SENP7: variants seen among roughly 807,000 people sequenced by gnomAD.
SENP7 encodes the protein SUMO specific peptidase 7.
Under a neutral mutation model 141.2 loss-of-function variants are expected in SENP7, and 64 were observed. That is an observed-to-expected ratio of 0.45 (90% CI 0.37 to 0.56). The LOEUF (loss-of-function observed/expected upper bound fraction) is 0.56. SENP7 is among the 20% of genes least tolerant of loss of function. SENP7 has a pLI of 0.00. For missense variants in SENP7, 1,025 were observed against 1,212.2 expected (o/e 0.85, Z 2.29); for synonymous variants, 382 against 426.4 (o/e 0.90, Z 1.28).
chr3:101,421,215 T>A (rs2107671842), intron 4 of SENP7, among the ~76,000 whole-genome samples: 1 of 152,168 alleles, frequency 6.6e-6, no homozygotes, highest in Admixed American at 6.5e-5. Context: ...CCCCAAAAAA[T>A]GTATGTATAT....
At chr3:101,386,645 A>G (rs1559753387) in intron 6 of SENP7, among the ~76,000 whole-genome samples, 1 of 152,170 alleles carries the variant, frequency 6.6e-6, no homozygotes, top group Non-Finnish European at 1.5e-5. Flanking sequence ...CCAGATCCCC[A>G]GCACTCTAGC....
intron 6 of SENP7, among the ~76,000 whole-genome samples, chr3:101,396,707 T>C (rs913099846): frequency 5.9e-5 from 9 of 152,218 alleles, no homozygotes; most frequent in African/African-American, 1.7e-4. Flanking sequence ...TTAGTATACA[T>C]TGAGCTAAGT....
At chr3:101,463,120 C>A (rs187974080) in intron 3 of SENP7, among the ~76,000 whole-genome samples, 2 of 151,186 alleles carry the variant, frequency 1.3e-5, no homozygotes, top group East Asian at 3.9e-4. Flanking sequence ...AATCCCAACA[C>A]TTTGGGAGGC....
chr3:101,411,927 C>A (rs1006852760), intron 5 of SENP7, among the ~76,000 whole-genome samples: 1 of 152,178 alleles, frequency 6.6e-6, no homozygotes, highest in South Asian at 2.1e-4. Flanking sequence ...AGTATACTGG[C>A]CTGAGAAGTA....
intron 5 of SENP7, among the ~76,000 whole-genome samples, chr3:101,410,723 C>T (rs1032924269): frequency 2.0e-5 from 3 of 151,736 alleles, no homozygotes; most frequent in Admixed American, 6.6e-5. Flanking sequence ...CACACACCTG[C>T]GATCCCAGCT....
chr3:101,370,633 T>C (rs2060153056), intron 7 of SENP7, among the ~76,000 whole-genome samples: 1 of 152,216 alleles, frequency 6.6e-6, no homozygotes, highest in South Asian at 2.1e-4. Context: ...TTTTCCATCT[T>C]TGCTAGGTTG....
chr3:101,381,765 T>G (rs1277971851), intron 6 of SENP7, among the ~76,000 whole-genome samples: 1 of 152,184 alleles, frequency 6.6e-6, no homozygotes, highest in Admixed American at 6.5e-5. Context: ...TATGCACTAT[T>G]TGTATCAGTG....
At chr3:101,361,889 T>C in intron 10 of SENP7, 28 bp from the exon 11 acceptor site, 1 of 1,572,754 alleles carries the variant, frequency 6.4e-7, no homozygotes, top group African/African-American at 1.4e-5. Context: ...ATAAAATGCA[T>C]ATAATTCTTA....
chr3:101,494,206 CTT>C (rs1246885494), intron 2 of SENP7, among the ~76,000 whole-genome samples: 4 of 152,200 alleles, frequency 2.6e-5, no homozygotes, highest in South Asian at 2.1e-4. Flanking sequence ...TAACTATTCT[CTT>C]GTCTGCTGTC....
At chr3:101,452,344 T>C (rs1256485437) in intron 4 of SENP7, among the ~76,000 whole-genome samples, 10 of 151,132 alleles carry the variant, frequency 6.6e-5, no homozygotes, top group South Asian at 2.1e-4. Context: ...TGACTTTCTT[T>C]ACAGAATTGG....
At chr3:101,460,363 A>G (rs1244523931) in intron 3 of SENP7, among the ~76,000 whole-genome samples, 1 of 152,252 alleles carries the variant, frequency 6.6e-6, no homozygotes, top group Non-Finnish European at 1.5e-5. Flanking sequence ...TTTATGGGAC[A>G]GAATTGAAAG....
intron 3 of SENP7, among the ~76,000 whole-genome samples, chr3:101,475,529 C>T (rs921425339): frequency 2.6e-5 from 4 of 152,072 alleles, no homozygotes; most frequent in African/African-American, 9.7e-5. Flanking sequence ...GGGAATAATA[C>T]ACACTGGAGC....
At chr3:101,457,853 T>G (rs1383297698) in intron 4 of SENP7, 3 of 542,098 alleles carry the variant, frequency 5.5e-6, no homozygotes, top group Non-Finnish European at 9.9e-6. Flanking sequence ...AGGGGAATGA[T>G]GTATGTTGTG....
At chr3:101,364,513 T>A (rs2059985533) in intron 10 of SENP7, among the ~76,000 whole-genome samples, 1 of 152,054 alleles carries the variant, frequency 6.6e-6, no homozygotes, top group Non-Finnish European at 1.5e-5. Flanking sequence ...AGACCAGACA[T>A]ATAAATACTA....
At chr3:101,475,880 A>G (rs1366289610) in intron 3 of SENP7, among the ~76,000 whole-genome samples, 1 of 152,194 alleles carries the variant, frequency 6.6e-6, no homozygotes, top group Non-Finnish European at 1.5e-5. Context: ...CTAAAGAGAG[A>G]GATAAATCCC....
At chr3:101,396,858 T>C (rs187310489) in intron 6 of SENP7, among the ~76,000 whole-genome samples, 5 of 152,312 alleles carry the variant, frequency 3.3e-5, no homozygotes, top group Admixed American at 3.3e-4. Flanking sequence ...TTGTGTGTTT[T>C]TTGAGATGAA....
chr3:101,467,079 T>C (rs1181938656), intron 3 of SENP7, among the ~76,000 whole-genome samples: 1 of 152,214 alleles, frequency 6.6e-6, no homozygotes, highest in Non-Finnish European at 1.5e-5. Flanking sequence ...CCTTGCTCAC[T>C]GCTAGCACAG....
chr3:101,391,869 A>G (rs1431088387), intron 6 of SENP7, among the ~76,000 whole-genome samples: 1 of 152,208 alleles, frequency 6.6e-6, no homozygotes, highest in Non-Finnish European at 1.5e-5. Context: ...CACATCAAAA[A>G]AGATAATGCA....
intron 12 of SENP7, among the ~76,000 whole-genome samples, chr3:101,348,416 T>C (rs972056633): frequency 1.1e-4 from 17 of 152,140 alleles, no homozygotes; most frequent in Admixed American, 3.9e-4. Flanking sequence ...GGAATTCTGA[T>C]AATCGTTAGC....
Sources: gnomAD v4.1 joint callset for allele counts (sites outside exome capture counted in the v4.1 genomes callset) on GRCh38, gnomAD v4.1.1 for gene constraint, MANE v1.5 for transcripts, NCBI Gene and HGNC (gene_info 2026-07-23, HGNC 2026-07-21) for gene names.